SNX10: variants seen among roughly 807,000 people sequenced by gnomAD.
SNX10 encodes sorting nexin 10.
In SNX10, 25 loss-of-function variants were observed where a neutral mutation model predicts 28.5. That is an observed-to-expected ratio of 0.88 (90% CI 0.64 to 1.22). The LOEUF (loss-of-function observed/expected upper bound fraction) is 1.22, where lower values mean the gene tolerates loss of function less well. Among genes scored for constraint, SNX10 ranks in the 50% most tolerant of loss-of-function variants. The pLI, the probability that SNX10 is intolerant of heterozygous loss-of-function variation, is 0.00. For missense variants in SNX10, 223 were observed against 242.6 expected (o/e 0.92, Z 0.54); for synonymous variants, 62 against 81.4 (o/e 0.76, Z 1.28).
At chr7:26,327,305 C>T (rs1042280167) in intron 1 of SNX10, among the ~76,000 whole-genome samples, 10 of 152,294 alleles carry the variant, frequency 6.6e-5, no homozygotes, top group Admixed American at 2.6e-4. Flanking sequence ...GTCCACTAGC[C>T]ACCACACGAT....
intron 1 of SNX10, among the ~76,000 whole-genome samples, chr7:26,338,351 A>C (rs1788024921): frequency 6.6e-6 from 1 of 152,122 alleles, no homozygotes; most frequent in Admixed American, 6.6e-5. Context: ...CTGCCTAGAC[A>C]GAGCCAATTT....
chr7:26,322,757 C>A (rs1787357179), intron 1 of SNX10, among the ~76,000 whole-genome samples: 2 of 152,188 alleles, frequency 1.3e-5, no homozygotes. Context: ...AAGATCTGTT[C>A]TCTTAGTGGC....
At chr7:26,307,765 A>T (rs115514402) in intron 1 of SNX10, among the ~76,000 whole-genome samples, 16 of 151,812 alleles carry the variant, frequency 1.1e-4, no homozygotes, top group Non-Finnish European at 2.1e-4. Context: ...CCTGCTCCCC[A>T]TAACCCACCT....
intron 1 of SNX10, among the ~76,000 whole-genome samples, chr7:26,344,238 C>T (rs1188751651): frequency 2.1e-5 from 3 of 142,858 alleles, no homozygotes; most frequent in Non-Finnish European, 3.0e-5. Flanking sequence ...GTAGCACAGT[C>T]TCAGCTCACT....
chr7:26,317,995 G>C (rs1381663308), intron 1 of SNX10, among the ~76,000 whole-genome samples: 4 of 151,994 alleles, frequency 2.6e-5, no homozygotes, highest in African/African-American at 4.8e-5. Flanking sequence ...AAATGTCTTC[G>C]GCATCTAGGA....
rs539660602 is a variant in SNX10 at position 26,306,687 on chromosome 7, C to T, written c.-24+14601C>T. ...AAGCACTGGGATTACAGGCATGAGC[C>T]ACCGTGCCCAGACAGAAAATTTTTG... On this transcript the variant is annotated intron_variant, in intron 1 of 6. Transcript: ENST00000338523. Among the ~76,000 whole-genome samples the T allele has an allele frequency of 5.3e-5, 8 of 152,304 alleles. No individual in the cohort carries two copies. The Middle Eastern group carries it at 0.01, about 194-fold the overall frequency.
intron 1 of SNX10, among the ~76,000 whole-genome samples, chr7:26,300,363 G>T (rs13229994): frequency 0.27 from 41,652 of 151,906 alleles, 6,964 homozygotes; most frequent in South Asian, 0.43. Context: ...AAGGGTTTAG[G>T]ATTACAGGCA....
At chr7:26,302,039 G>GT (rs1764783299) in intron 1 of SNX10, among the ~76,000 whole-genome samples, 1 of 152,144 alleles carries the variant, frequency 6.6e-6, no homozygotes, top group African/African-American at 2.4e-5. Flanking sequence ...TGGGTCATAC[G>GT]TTTTTTCCCT....
At chr7:26,325,395 C>T (rs2128001948) in intron 1 of SNX10, among the ~76,000 whole-genome samples, 1 of 143,174 alleles carries the variant, frequency 7.0e-6, no homozygotes, top group Non-Finnish European at 1.5e-5. Context: ...ATCACTGCAA[C>T]CTCAGCCTCC....
intron 2 of SNX10, among the ~76,000 whole-genome samples, chr7:26,358,805 G>GGTTTT (rs1554360945): frequency 2.0e-5 from 2 of 100,112 alleles, no homozygotes; most frequent in Non-Finnish European, 3.7e-5. Context: ...GTTATCTTGT[G>GGTTTT]TTTTTTTTTT....
At chr7:26,363,378 C>A (rs2128023323) in intron 3 of SNX10, among the ~76,000 whole-genome samples, 1 of 152,190 alleles carries the variant, frequency 6.6e-6, no homozygotes, top group East Asian at 1.9e-4. Context: ...ACTTAGATTT[C>A]CCAAGGAAAA....
intron 1 of SNX10, among the ~76,000 whole-genome samples, chr7:26,329,018 CA>C (rs1352983185): frequency 6.6e-6 from 1 of 152,218 alleles, no homozygotes; most frequent in Non-Finnish European, 1.5e-5. Flanking sequence ...TAGTCATCTC[CA>C]AACAGGTCTC....
rs111747538 is a variant in SNX10, at chr7:26,324,514, A to G, written c.-23-21906A>G. ...AACTGGGACTACAGGTGCACATACC[A>G]CACCTGGATAATTTTTAAATTGTTT... On this transcript the variant is annotated intron_variant, in intron 1 of 6. Transcript: ENST00000338523. Among the ~76,000 whole-genome samples, 325 of 152,134 alleles carry G rather than the reference A, an allele frequency of 2.1e-3. 1 individual carries two copies. Among genetic ancestry groups the G allele is most frequent in the African/African-American group, 7.5e-3 (312 of 41,488 alleles).
intron 5 of SNX10, among the ~76,000 whole-genome samples, chr7:26,371,241 C>T (rs1029256947): frequency 2.6e-5 from 4 of 151,994 alleles, no homozygotes; most frequent in African/African-American, 9.7e-5. Flanking sequence ...AGATTCAGTG[C>T]TCCTAAAGAT....
At chr7:26,328,195 G>T (rs892960529) in intron 1 of SNX10, among the ~76,000 whole-genome samples, 4 of 152,192 alleles carry the variant, frequency 2.6e-5, no homozygotes, top group African/African-American at 9.7e-5. Context: ...ATGGACTTAG[G>T]AGGTGTTTAG....
chr7:26,350,957 T>C (rs369966705), intron 2 of SNX10, among the ~76,000 whole-genome samples: 49 of 152,184 alleles, frequency 3.2e-4, no homozygotes, highest in African/African-American at 1.2e-3. Context: ...TTTTTTTTCT[T>C]AACTCTTCTT....
At chr7:26,360,645 GA>G (rs1437565349) in intron 2 of SNX10, 2 of 261,008 alleles carry the variant, frequency 7.7e-6, no homozygotes, top group Non-Finnish European at 1.4e-5. Flanking sequence ...TTTTAAATTT[GA>G]AAAAAACCTG....
chr7:26,352,933 A>G (rs1357138742), intron 2 of SNX10, among the ~76,000 whole-genome samples: 1 of 151,532 alleles, frequency 6.6e-6, no homozygotes, highest in Admixed American at 6.6e-5. Context: ...CACATTCTAG[A>G]TTTTGCTGAT....
rs1562802802 is a variant in SNX10, at chr7:26,336,148, T to A, written c.-23-10272T>A. Among the ~76,000 whole-genome samples, 3 of 152,232 alleles carry A rather than the reference T, an allele frequency of 2.0e-5. No individual in the cohort carries two copies. The South Asian group carries it at 6.2e-4, about 32-fold the overall frequency. ...AGAGTGAAATTAACTTGACTGCTGTTTGTTTTTTGTGGGGAGGGAATAATA... is the reference window on the plus strand; with the variant it reads ...AGAGTGAAATTAACTTGACTGCTGTATGTTTTTTGTGGGGAGGGAATAATA... On this transcript the variant is annotated intron_variant, in intron 1 of 6. Transcript: ENST00000338523.
Sources: allele counts gnomAD v4.1 joint callset (sites outside exome capture counted in the v4.1 genomes callset), GRCh38; gene constraint gnomAD v4.1.1; transcripts MANE v1.5; gene names NCBI Gene and HGNC (gene_info 2026-07-23, HGNC 2026-07-21).